The following LRFN5 variants were observed in gnomAD, a reference collection of about 807,000 sequenced individuals.
The protein encoded by LRFN5 is leucine-rich repeat and fibronectin type-III domain-containing protein 5.
A neutral mutation model predicts 45.6 loss-of-function variants in LRFN5; 24 were observed. The observed-to-expected ratio is 0.53, with a 90% CI of 0.38 to 0.74. The LOEUF is 0.74. LRFN5 is among the 30% of genes least tolerant of loss of function. The pLI, the probability that LRFN5 is intolerant of heterozygous loss-of-function variation, is 0.00. For missense variants in LRFN5, 776 were observed against 861.5 expected, an observed-to-expected ratio of 0.90 and a Z score of 1.24; for synonymous variants, 340 against 313.8, an observed-to-expected ratio of 1.08 and a Z score of -0.88.
At chr14:41,843,086 CTTTTTTTT>C (rs539151256) in intron 2 of LRFN5, among the ~76,000 whole-genome samples, 2 of 118,310 alleles carry the variant, frequency 1.7e-5, no homozygotes, top group Non-Finnish European at 3.7e-5. Context: ...TTTGTCTTTT[CTTTTTTTT>C]TTTTTTTTTA....
chr14:41,607,316 G>C lies in LRFN5; in HGVS notation c.-1443G>C, dbSNP rs995233568. Among the ~76,000 whole-genome samples the C allele has an allele frequency of 4.6e-5, 7 of 151,898 alleles. No homozygotes were observed. The highest frequency in any genetic ancestry group is 8.8e-5 in the Non-Finnish European group (6 of 67,962). On this transcript the variant is annotated 5_prime_UTR_variant, in exon 1 of 6. Coordinates refer to ENST00000298119, the MANE Select transcript of LRFN5 (RefSeq NM_152447.5). ...GTCCGTTATATCAGAAAAAAAAAGC[G>C]CAACTGGACGGGGGTGGGGCAGACC...
intron 2 of LRFN5, among the ~76,000 whole-genome samples, chr14:41,770,962 A>G (rs181172895): frequency 1.3e-5 from 2 of 152,014 alleles, no homozygotes; most frequent in Admixed American, 1.3e-4. Flanking sequence ...ATATCCTCTG[A>G]AATCTAGGTG....
At chr14:41,758,216 C>T (rs910894631) in intron 1 of LRFN5, among the ~76,000 whole-genome samples, 4 of 152,090 alleles carry the variant, frequency 2.6e-5, no homozygotes, top group Non-Finnish European at 5.9e-5. Flanking sequence ...CATAATGAGA[C>T]ACATTGTTTT....
chr14:41,825,391 A>AT (rs1012849375), intron 2 of LRFN5, among the ~76,000 whole-genome samples: 1 of 152,200 alleles, frequency 6.6e-6, no homozygotes, highest in African/African-American at 2.4e-5. Context: ...AGCGATGCTC[A>AT]TGTCTCTGCT....
chr14:41,620,234 C>A (rs1201589015), intron 1 of LRFN5, among the ~76,000 whole-genome samples: 2 of 152,064 alleles, frequency 1.3e-5, no homozygotes, highest in East Asian at 3.9e-4. Flanking sequence ...GCAAACTTTC[C>A]TACAGATCTA....
rs546578782 is a variant in LRFN5 at position 41,827,738 on chromosome 14, A to C, written c.-20-58868A>C. Among the ~76,000 whole-genome samples the C allele has an allele frequency of 3.6e-3, 555 of 152,164 alleles. 1 individual carries two copies. Among genetic ancestry groups the C allele is most frequent in the Non-Finnish European group, 6.5e-3 (441 of 67,896 alleles). ...AGATTACTATATCTTTCCAAACTTA[A>C]AATTTAGAACCATTTGTTTTAACAA... On this transcript the variant is annotated intron_variant, in intron 2 of 5. Coordinates refer to ENST00000298119, the MANE Select transcript of LRFN5 (RefSeq NM_152447.5).
At chr14:41,889,945 C>T (rs1168301938) in intron 3 of LRFN5, among the ~76,000 whole-genome samples, 1 of 152,098 alleles carries the variant, frequency 6.6e-6, no homozygotes, top group Non-Finnish European at 1.5e-5. Context: ...CTCACTGCAA[C>T]CTCTGCCTCC....
intron 2 of LRFN5, among the ~76,000 whole-genome samples, chr14:41,775,325 G>A (rs978634901): frequency 6.6e-6 from 1 of 151,820 alleles, no homozygotes; most frequent in Non-Finnish European, 1.5e-5. Flanking sequence ...TCCTGACCTC[G>A]TGATCCGCCC....
intron 4 of LRFN5, chr14:41,895,007 T>C: frequency 2.0e-6 from 2 of 982,526 alleles, no homozygotes; most frequent in Non-Finnish European, 2.4e-6. Context: ...TTATTTTTCT[T>C]TTATTTTTGT....
chr14:41,791,714 A>C (rs1252595042), intron 2 of LRFN5, among the ~76,000 whole-genome samples: 1 of 152,096 alleles, frequency 6.6e-6, no homozygotes, highest in East Asian at 1.9e-4. Context: ...TGATGATACT[A>C]TGTTTCCATT....
At chr14:41,653,860 G>C (rs572966694) in intron 1 of LRFN5, among the ~76,000 whole-genome samples, 2 of 152,222 alleles carry the variant, frequency 1.3e-5, no homozygotes, top group East Asian at 3.9e-4. Flanking sequence ...AGATACAGCT[G>C]ACAGGAGTAA....
At chr14:41,753,941 A>G (rs896695545) in intron 1 of LRFN5, among the ~76,000 whole-genome samples, 2 of 152,146 alleles carry the variant, frequency 1.3e-5, no homozygotes, top group African/African-American at 4.8e-5. Flanking sequence ...ACGTCCCATC[A>G]ATACCTAATT....
chr14:41,674,606 AC>A (rs1197866103), intron 1 of LRFN5, among the ~76,000 whole-genome samples: 4 of 130,736 alleles, frequency 3.1e-5, no homozygotes, highest in Non-Finnish European at 4.9e-5. Flanking sequence ...CAGGGGGCTG[AC>A]CCCCCCACCT....
intron 1 of LRFN5, among the ~76,000 whole-genome samples, chr14:41,629,191 C>G (rs1383758746): frequency 6.6e-6 from 1 of 152,142 alleles, no homozygotes; most frequent in African/African-American, 2.4e-5. Context: ...TGCTCTGGCT[C>G]AAGTGTTGGG....
intron 1 of LRFN5, among the ~76,000 whole-genome samples, chr14:41,765,305 G>A (rs1467602900): frequency 1.4e-5 from 2 of 147,204 alleles, no homozygotes; most frequent in Non-Finnish European, 3.0e-5. Context: ...TCGCGCCACT[G>A]CACTCCAGCC....
At chr14:41,661,601 T>C (rs1384712037) in intron 1 of LRFN5, among the ~76,000 whole-genome samples, 1 of 152,060 alleles carries the variant, frequency 6.6e-6, no homozygotes, top group African/African-American at 2.4e-5. Flanking sequence ...CTCATAGTCC[T>C]TATGACTGAA....
At chr14:41,681,827 T>TATTTA (rs58384478) in intron 1 of LRFN5, among the ~76,000 whole-genome samples, 5,126 of 141,668 alleles carry the variant, frequency 0.036, 167 homozygotes, top group African/African-American at 0.075. Flanking sequence ...TTTATTTATT[T>TATTTA]TTTTTTTTTG....
intron 2 of LRFN5, among the ~76,000 whole-genome samples, 180 bp downstream of exon 2, chr14:41,767,209 C>T (rs1327570194): frequency 3.3e-5 from 5 of 151,048 alleles, no homozygotes; most frequent in South Asian, 2.1e-4. Context: ...CAATGTCTAC[C>T]ACTTTTTGTG....
chr14:41,886,138 T>C (rs1347666276), intron 2 of LRFN5, among the ~76,000 whole-genome samples: 2 of 152,084 alleles, frequency 1.3e-5, no homozygotes, highest in Admixed American at 6.6e-5. Context: ...CTAACAAATA[T>C]TGTATTTTAT....
Sources: gnomAD v4.1 joint callset for allele counts (sites outside exome capture counted in the v4.1 genomes callset) on GRCh38, gnomAD v4.1.1 for gene constraint, MANE v1.5 for transcripts, NCBI Gene and HGNC (gene_info 2026-07-23, HGNC 2026-07-21) for gene names.